Variants in MTUS2 observed in about 807,000 individuals in gnomAD.
The protein encoded by MTUS2 is microtubule associated scaffold protein 2, also known as microtubule-associated tumor suppressor candidate 2.
A neutral mutation model predicts 114.1 loss-of-function variants in MTUS2; 40 were observed. The ratio of observed to expected loss-of-function variants is 0.35; its 90% CI spans 0.27 to 0.46. MTUS2 has a LOEUF of 0.46. Ranked by LOEUF, MTUS2 falls within the 20% of genes least tolerant of loss-of-function variation. MTUS2 has a pLI of 1.00. For synonymous variants in MTUS2, 688 were observed against 672.0 expected (o/e 1.02, Z -0.37); for missense variants, 1,679 against 1,705.4 (o/e 0.98, Z 0.27).
intron 5 of MTUS2, among the ~76,000 whole-genome samples, chr13:29,234,975 G>C (rs1487562462): frequency 6.6e-6 from 1 of 151,996 alleles, no homozygotes; most frequent in Non-Finnish European, 1.5e-5. Flanking sequence ...CAAGCTGTCA[G>C]TTGATCATTT....
At chr13:29,131,818 G>A (rs1359102812) in intron 5 of MTUS2, among the ~76,000 whole-genome samples, 2 of 152,228 alleles carry the variant, frequency 1.3e-5, no homozygotes, top group African/African-American at 4.8e-5. Flanking sequence ...GAAAACACCA[G>A]TTTGTTCCCA....
chr13:29,209,123 A>G (rs1400911615), intron 5 of MTUS2, among the ~76,000 whole-genome samples: 1 of 152,082 alleles, frequency 6.6e-6, no homozygotes. Flanking sequence ...AGGTGTATGT[A>G]TATTTAGGAT....
chr13:29,316,079 C>T (rs1344372899), intron 6 of MTUS2, among the ~76,000 whole-genome samples: 1 of 152,076 alleles, frequency 6.6e-6, no homozygotes, highest in Non-Finnish European at 1.5e-5. Context: ...GAAGACTGCA[C>T]CTGGGGGGTG....
chr13:29,334,883 C>A (rs1310733024), intron 7 of MTUS2, among the ~76,000 whole-genome samples: 1 of 152,198 alleles, frequency 6.6e-6, no homozygotes, highest in Non-Finnish European at 1.5e-5. Flanking sequence ...CCTGTCTTTA[C>A]TTTAATCTCT....
chr13:28,956,602 A>G (rs1305034164), intron 2 of MTUS2, among the ~76,000 whole-genome samples: 1 of 152,216 alleles, frequency 6.6e-6, no homozygotes, highest in East Asian at 1.9e-4. Flanking sequence ...ACCATACATA[A>G]TAAAGACCCA....
At chr13:29,217,494 C>T (rs777448687) in intron 5 of MTUS2, among the ~76,000 whole-genome samples, 13 of 152,114 alleles carry the variant, frequency 8.5e-5, no homozygotes, top group Non-Finnish European at 1.9e-4. Context: ...AATATACATA[C>T]CTTAATTTAA....
At chr13:28,988,709 A>G (rs984378284) in intron 2 of MTUS2, among the ~76,000 whole-genome samples, 4 of 152,196 alleles carry the variant, frequency 2.6e-5, no homozygotes, top group Non-Finnish European at 5.9e-5. Flanking sequence ...AAGTCCATTA[A>G]TTATCAAATA....
chr13:29,373,103 C>A (rs1174949470), intron 8 of MTUS2, among the ~76,000 whole-genome samples: 2 of 152,134 alleles, frequency 1.3e-5, no homozygotes, highest in Non-Finnish European at 2.9e-5. Context: ...AGAAAGAGCT[C>A]CAGGAGAAAC....
At chr13:29,035,534 A>G (rs963756917) in intron 4 of MTUS2, among the ~76,000 whole-genome samples, 24 of 152,214 alleles carry the variant, frequency 1.6e-4, no homozygotes, top group African/African-American at 5.8e-4. Context: ...CAGCTTTGCT[A>G]GAATCCCTGG....
intron 2 of MTUS2, among the ~76,000 whole-genome samples, chr13:29,008,279 G>A (rs1313606109): frequency 1.3e-5 from 2 of 152,170 alleles, no homozygotes; most frequent in African/African-American, 2.4e-5. Context: ...GACAAACAAG[G>A]AAGAAACATC....
chr13:29,424,023 C>G (rs965834965), intron 8 of MTUS2, among the ~76,000 whole-genome samples: 5 of 94,588 alleles, frequency 5.3e-5, no homozygotes, highest in Non-Finnish European at 1.1e-4. Context: ...TGCCACCATG[C>G]CTGGCTAATT....
intron 5 of MTUS2, among the ~76,000 whole-genome samples, chr13:29,130,925 A>G (rs573716145): frequency 3.3e-5 from 5 of 152,122 alleles, no homozygotes; most frequent in Admixed American, 6.6e-5. Context: ...CAACCAGCCT[A>G]TTTATTTTTA....
At chr13:29,015,114 T>A (rs1405384655) in intron 2 of MTUS2, among the ~76,000 whole-genome samples, 1 of 152,224 alleles carries the variant, frequency 6.6e-6, no homozygotes, top group African/African-American at 2.4e-5. Flanking sequence ...AGATCATTGG[T>A]TGCCGTGGGT....
intron 9 of MTUS2, among the ~76,000 whole-genome samples, chr13:29,456,144 C>A (rs1489004483): frequency 6.6e-6 from 1 of 152,040 alleles, no homozygotes; most frequent in East Asian, 1.9e-4. Context: ...TAGAGAAGCA[C>A]AACAGAGAAA....
intron 5 of MTUS2, among the ~76,000 whole-genome samples, chr13:29,217,949 C>G (rs1265542049): frequency 1.3e-5 from 2 of 152,088 alleles, no homozygotes; most frequent in Non-Finnish European, 2.9e-5. Context: ...AAGACCTGGT[C>G]TCCACAAAGA....
At chr13:29,389,259 A>ATG (rs1872864015) in intron 8 of MTUS2, among the ~76,000 whole-genome samples, 2 of 141,396 alleles carry the variant, frequency 1.4e-5, no homozygotes, top group Admixed American at 7.2e-5. Context: ...ATGTATACAC[A>ATG]TGTGTGTATA....
intron 5 of MTUS2, among the ~76,000 whole-genome samples, chr13:29,235,992 A>G (rs1896521382): frequency 6.6e-6 from 1 of 152,122 alleles, no homozygotes; most frequent in South Asian, 2.1e-4. Context: ...TGTTCTTAAA[A>G]TTTTATCTGA....
chr13:29,069,813 T>C (rs1232601501), intron 4 of MTUS2, among the ~76,000 whole-genome samples: 1 of 152,224 alleles, frequency 6.6e-6, no homozygotes, highest in Non-Finnish European at 1.5e-5. Context: ...TTAAAATGGA[T>C]AGTAAAGATG....
intron 2 of MTUS2, among the ~76,000 whole-genome samples, chr13:29,001,127 C>G (rs529113200): frequency 1.3e-5 from 2 of 152,232 alleles, no homozygotes; most frequent in African/African-American, 4.8e-5. Flanking sequence ...TGGAAAACTG[C>G]TCTTCTTGCC....
Sources: allele counts gnomAD v4.1 joint callset (sites outside exome capture counted in the v4.1 genomes callset), GRCh38; gene constraint gnomAD v4.1.1; transcripts MANE v1.5; gene names NCBI Gene and HGNC (gene_info 2026-07-23, HGNC 2026-07-21).